The following PTPRJ variants were observed in gnomAD, a reference collection of about 807,000 sequenced individuals.
The protein encoded by PTPRJ is protein tyrosine phosphatase receptor type J.
Under a neutral mutation model 141.3 loss-of-function variants are expected in PTPRJ, and 129 were observed. The observed-to-expected ratio is 0.91, with a 90% CI of 0.79 to 1.06. PTPRJ has a LOEUF of 1.06. PTPRJ is among the 50% of genes least tolerant of loss of function. PTPRJ has a pLI of 0.00. For missense variants in PTPRJ, 1,601 were observed against 1,679.7 expected (o/e 0.95, Z 0.82); for synonymous variants, 610 against 640.5 (o/e 0.95, Z 0.72).
chr11:48,026,137 T>C lies in PTPRJ; in HGVS notation c.96+45129T>C, dbSNP rs1364661359. Among the ~76,000 whole-genome samples, 3 of 152,212 alleles carry C rather than the reference T, an allele frequency of 2.0e-5. No homozygotes were observed. In the East Asian group the frequency reaches 5.8e-4, roughly 29 times the overall value. The stretch of plus-strand genomic sequence containing the variant: ...ACATAGCTGTTGAGAAAGGTCTGTC[T>C]TCCTTGGTAGATGATGAGGTCATTG... On this transcript the variant is annotated intron_variant, in intron 1 of 24. Transcript: ENST00000418331.
chr11:48,138,100 G>A (rs1266115668), intron 10 of PTPRJ, among the ~76,000 whole-genome samples: 1 of 152,104 alleles, frequency 6.6e-6, no homozygotes, highest in African/African-American at 2.4e-5. Flanking sequence ...TTTTAGCCCA[G>A]GCCATTCAGA....
In PTPRJ at chr11:48,164,526, GATCTGT is replaced by G; in HGVS notation, c.3855+14_3855+19del. ...ATGGTGCAGACAGAGGTGAGGCCAA[GATCTGT>G]ATTTGACATTCCACCCTTCCCCTCC... On this transcript the variant is annotated intron_variant, in intron 24 of 24. Transcript: ENST00000418331. 1 of 1,432,446 alleles carries G rather than the reference GATCTGT, an allele frequency of 7.0e-7. No individual in the cohort carries two copies. The highest frequency in any genetic ancestry group is 9.6e-7 in the Non-Finnish European group (1 of 1,042,536). 88.7% of individuals were successfully genotyped at this position (1,432,446 alleles called of 1,614,324 possible). A position where few individuals can be genotyped will look rare whatever the true frequency, so the allele number is the denominator to read the frequency against.
At chr11:48,144,646 A>G (rs1857310121) in intron 12 of PTPRJ, 29 bp from the exon 13 acceptor site, 2 of 1,564,814 alleles carry the variant, frequency 1.3e-6, no homozygotes, top group South Asian at 1.1e-5. Context: ...TCACTTTCTT[A>G]TGATTCTCCT....
At chr11:48,005,458 T>C (rs1170846042) in intron 1 of PTPRJ, among the ~76,000 whole-genome samples, 3 of 152,262 alleles carry the variant, frequency 2.0e-5, no homozygotes, top group African/African-American at 7.2e-5. Context: ...CTGTGTGTCC[T>C]TTTGATTCTG....
intron 1 of PTPRJ, among the ~76,000 whole-genome samples, chr11:48,059,547 TG>T (rs1854862096): frequency 6.6e-6 from 1 of 152,178 alleles, no homozygotes; most frequent in African/African-American, 2.4e-5. Context: ...CTTAAGACAG[TG>T]TCTGGCACAG....
intron 1 of PTPRJ, among the ~76,000 whole-genome samples, chr11:48,059,508 T>C (rs1304839029): frequency 6.6e-6 from 1 of 152,210 alleles, no homozygotes; most frequent in Non-Finnish European, 1.5e-5. Flanking sequence ...GGGATGCTGG[T>C]CTGTTAGTTG....
intron 1 of PTPRJ, among the ~76,000 whole-genome samples, chr11:48,036,227 A>T (rs1051767383): frequency 6.6e-6 from 1 of 152,230 alleles, no homozygotes; most frequent in South Asian, 2.1e-4. Flanking sequence ...CAGATAGAAG[A>T]GTCTATCTCT....
intron 1 of PTPRJ, among the ~76,000 whole-genome samples, chr11:48,091,187 C>T (rs896581744): frequency 6.6e-6 from 1 of 152,168 alleles, no homozygotes; most frequent in East Asian, 1.9e-4. Context: ...GAGCTGCAGG[C>T]GAGTTGTCTG....
intron 1 of PTPRJ, among the ~76,000 whole-genome samples, chr11:47,981,385 G>T (rs1853903367): frequency 6.6e-6 from 1 of 152,158 alleles, no homozygotes; most frequent in South Asian, 2.1e-4. Context: ...CGGAGGTCTG[G>T]GGACGCAGAG....
At chr11:47,992,928 A>G (rs1854234810) in intron 1 of PTPRJ, among the ~76,000 whole-genome samples, 1 of 152,196 alleles carries the variant, frequency 6.6e-6, no homozygotes, top group Non-Finnish European at 1.5e-5. Context: ...GCCAGAAAAC[A>G]CTGGAAGTCA....
chr11:48,150,301 G>T, intron 18 of PTPRJ, 118 bp downstream of exon 18: 2 of 753,302 alleles, frequency 2.7e-6, no homozygotes, highest in Non-Finnish European at 4.5e-6. Flanking sequence ...ACTGTAGGCA[G>T]TTGGGACATG....
chr11:48,160,072 T>C, intron 22 of PTPRJ, 23 bp downstream of exon 22: 1 of 1,611,880 alleles, frequency 6.2e-7, no homozygotes, highest in Non-Finnish European at 8.5e-7. Context: ...TCAGGATCAG[T>C]TGAGCTCATG....
At chr11:48,135,847 C>T (rs1254430926) in intron 8 of PTPRJ, among the ~76,000 whole-genome samples, 192 bp from the exon 9 acceptor site, 1 of 152,128 alleles carries the variant, frequency 6.6e-6, no homozygotes. Flanking sequence ...AGTTCATGTG[C>T]GTCACAGAAG....
chr11:48,106,642 A>G (rs1051819292), intron 1 of PTPRJ, among the ~76,000 whole-genome samples: 1 of 152,022 alleles, frequency 6.6e-6, no homozygotes, highest in African/African-American at 2.4e-5. Flanking sequence ...GTGTATGTAC[A>G]TGTAGGATTT....
At chr11:48,004,123 G>A (rs1252537964) in intron 1 of PTPRJ, among the ~76,000 whole-genome samples, 2 of 152,112 alleles carry the variant, frequency 1.3e-5, no homozygotes, top group African/African-American at 2.4e-5. Flanking sequence ...TAGCTCTAAC[G>A]TGATTGTTGG....
intron 1 of PTPRJ, among the ~76,000 whole-genome samples, chr11:47,988,864 GA>G (rs1470183639): frequency 7.1e-6 from 1 of 140,324 alleles, no homozygotes; most frequent in African/African-American, 2.8e-5. Flanking sequence ...TCTGAAAGGT[GA>G]AAAATTGTAT....
chr11:48,107,920 A>G (rs1365685330), intron 1 of PTPRJ, among the ~76,000 whole-genome samples: 2 of 152,078 alleles, frequency 1.3e-5, no homozygotes, highest in Non-Finnish European at 2.9e-5. Flanking sequence ...CTGTCCCCAT[A>G]CAGAAATAAA....
rs1203621680 is a variant in PTPRJ, at chr11:48,139,736, G to A, written c.2403G>A (p.Met801Ile). The A allele has an allele frequency of 1.2e-6, 2 of 1,614,134 alleles. No individual in the cohort carries two copies. The highest frequency in any genetic ancestry group is 1.3e-5 in the African/African-American group (1 of 75,036). Residue 801 changes from methionine (M) to isoleucine (I), a missense_variant, in exon 11 of 25, where the codon ATG (methionine) becomes ATA (isoleucine). By Grantham distance (10) the Met-to-Ile change is conservative. Transcript: ENST00000418331. ...ISITTVSCGK[M>I]AAPTRNTCTT... Reference sequence around the variant, plus strand: ...TCACCACTGTGTCCTGTGGAAAGATGGCAGCCCCCACCCGGAACACCTGCA... The same window carrying A: ...TCACCACTGTGTCCTGTGGAAAGATAGCAGCCCCCACCCGGAACACCTGCA...
intron 21 of PTPRJ, among the ~76,000 whole-genome samples, chr11:48,157,525 C>A (rs1857641941): frequency 6.6e-6 from 1 of 152,246 alleles, no homozygotes; most frequent in Non-Finnish European, 1.5e-5. Flanking sequence ...CTCAGAGTTT[C>A]TAATTCGGAA....
Sources: gnomAD v4.1 joint callset for allele counts (sites outside exome capture counted in the v4.1 genomes callset) on GRCh38, gnomAD v4.1.1 for gene constraint, MANE v1.5 for transcripts, NCBI Gene and HGNC (gene_info 2026-07-23, HGNC 2026-07-21) for gene names.